CAPS2: variants seen among roughly 807,000 people sequenced by gnomAD.
The protein encoded by CAPS2 is calcyphosin-2.
A neutral mutation model predicts 86.5 loss-of-function variants in CAPS2; 98 were observed. The ratio of observed to expected loss-of-function variants is 1.13; its 90% CI spans 0.96 to 1.34. CAPS2 has a LOEUF of 1.34. Ranked by LOEUF, CAPS2 falls within the 40% of genes most tolerant of loss-of-function variation. The pLI, the probability that CAPS2 is intolerant of heterozygous loss-of-function variation, is 0.00. For synonymous variants in CAPS2, 210 were observed against 225.1 expected (o/e 0.93, Z 0.60); for missense variants, 729 against 686.8 (o/e 1.06, Z -0.69).
chr12:75,302,352 A>C (rs2037923709), intron 8 of CAPS2, among the ~76,000 whole-genome samples: 1 of 152,264 alleles, frequency 6.6e-6, no homozygotes, highest in Non-Finnish European at 1.5e-5. Context: ...GATACTGAAG[A>C]AAAAGCCTAG....
chr12:75,382,639 C>CA (rs59130420), intron 1 of CAPS2, among the ~76,000 whole-genome samples: 115 of 143,060 alleles, frequency 8.0e-4, no homozygotes, highest in South Asian at 3.5e-3. Context: ...GACTCCATCT[C>CA]AAAAAAAAAA....
chr12:75,304,286 G>A (rs1019158280), intron 8 of CAPS2, among the ~76,000 whole-genome samples: 6 of 152,142 alleles, frequency 3.9e-5, no homozygotes, highest in African/African-American at 1.4e-4. Flanking sequence ...TACTAAAGCC[G>A]AGGTTAGATG....
chr12:75,293,176 A>G (rs1318350593), intron 12 of CAPS2, 73 bp downstream of exon 12: 17 of 901,260 alleles, frequency 1.9e-5, no homozygotes, highest in Non-Finnish European at 2.9e-5. Context: ...CTTATAGTAG[A>G]ATGTCATTTT....
intron 13 of CAPS2, among the ~76,000 whole-genome samples, chr12:75,290,649 T>A (rs528103851): frequency 1.3e-5 from 2 of 152,036 alleles, no homozygotes; most frequent in Non-Finnish European, 2.9e-5. Context: ...AGTGTGATGG[T>A]TCATGACTAT....
At chr12:75,369,854 C>T in intron 1 of CAPS2, 2 of 1,332,114 alleles carry the variant, frequency 1.5e-6, no homozygotes, top group East Asian at 2.7e-5. Context: ...AAAAGTCAAA[C>T]TAATTTTTGT....
upstream of CAPS2, among the ~76,000 whole-genome samples, chr12:75,330,598 T>C (rs1022467165): frequency 6.6e-6 from 1 of 152,208 alleles, no homozygotes; most frequent in Admixed American, 6.5e-5. Flanking sequence ...TAATATATTA[T>C]ATAGAGATAC....
At chr12:75,316,276 T>A in intron 6 of CAPS2, 36 bp downstream of exon 6, 4 of 1,548,326 alleles carry the variant, frequency 2.6e-6, no homozygotes, top group Non-Finnish European at 3.5e-6. Context: ...ATAAGATTAA[T>A]GGCTCACCAA....
At chr12:75,327,427 T>C (rs1478232881), upstream of CAPS2, among the ~76,000 whole-genome samples, 1 of 152,180 alleles carries the variant, frequency 6.6e-6, no homozygotes, top group Non-Finnish European at 1.5e-5. Context: ...ATGTACAAAA[T>C]AAAAATCAAA....
chr12:75,277,441 G>A, exon 17 of CAPS2: 1 of 936,164 alleles, frequency 1.1e-6, no homozygotes, highest in Non-Finnish European at 1.3e-6. Flanking sequence ...AAAGATATGT[G>A]ACAAAAATAG....
chr12:75,345,338 T>A (rs1371575941), intron 1 of CAPS2, among the ~76,000 whole-genome samples: 1 of 152,158 alleles, frequency 6.6e-6, no homozygotes, highest in Non-Finnish European at 1.5e-5. Context: ...CTTCCTATAA[T>A]TTTCTCAATT....
intron 12 of CAPS2, among the ~76,000 whole-genome samples, chr12:75,292,623 AT>A (rs1487061303): frequency 1.4e-5 from 2 of 147,196 alleles, no homozygotes; most frequent in African/African-American, 4.9e-5. Context: ...GTATCTATAC[AT>A]ATTATGTATG....
chr12:75,308,923 A>G (rs902506028), intron 7 of CAPS2, among the ~76,000 whole-genome samples: 12 of 149,512 alleles, frequency 8.0e-5, no homozygotes, highest in Admixed American at 2.0e-4. Flanking sequence ...AAAAAAAAAA[A>G]GGGGGTAAGG....
At chr12:75,354,889 C>G (rs924044919) in intron 1 of CAPS2, among the ~76,000 whole-genome samples, 1 of 152,112 alleles carries the variant, frequency 6.6e-6, no homozygotes, top group Admixed American at 6.5e-5. Flanking sequence ...AAAGGACTCC[C>G]TATTTAATAG....
At chr12:75,312,283 C>T (rs1465207074) in intron 7 of CAPS2, among the ~76,000 whole-genome samples, 2 of 152,174 alleles carry the variant, frequency 1.3e-5, no homozygotes, top group Non-Finnish European at 2.9e-5. Context: ...TGATACTTGA[C>T]ATCACTTGCA....
intron 16 of CAPS2, 38 bp from the exon 17 acceptor site, chr12:75,279,103 A>C: frequency 1.4e-6 from 2 of 1,420,208 alleles, no homozygotes; most frequent in South Asian, 1.7e-5. Flanking sequence ...GTTTCCTGAA[A>C]AGTTCAGTGA....
intron 1 of CAPS2, among the ~76,000 whole-genome samples, chr12:75,346,884 CTTGAA>C (rs2042486270): frequency 2.6e-5 from 4 of 151,858 alleles, no homozygotes; most frequent in Admixed American, 2.6e-4. Context: ...GTCTAAATTC[CTTGAA>C]TTATTTTTCA....
At chr12:75,362,867 C>T (rs2043699714) in intron 1 of CAPS2, among the ~76,000 whole-genome samples, 1 of 152,160 alleles carries the variant, frequency 6.6e-6, no homozygotes, top group African/African-American at 2.4e-5. Context: ...GGGTTCACAT[C>T]TCATTATTCT....
chr12:75,360,321 G>A (rs1295768772), intron 1 of CAPS2: 2 of 152,106 alleles, frequency 1.3e-5, no homozygotes, highest in African/African-American at 2.4e-5. Flanking sequence ...TTAACTCAAA[G>A]TCCATAATCC....
At chr12:75,316,187 T>G in intron 6 of CAPS2, 125 bp downstream of exon 6, 1 of 1,182,132 alleles carries the variant, frequency 8.5e-7, no homozygotes, top group Non-Finnish European at 1.2e-6. Flanking sequence ...CAATTTTCCA[T>G]TAATGAATAT....
Sources: allele counts gnomAD v4.1 joint callset (sites outside exome capture counted in the v4.1 genomes callset), GRCh38; gene constraint gnomAD v4.1.1; transcripts MANE v1.5; gene names NCBI Gene and HGNC (gene_info 2026-07-23, HGNC 2026-07-21).